Variants in HCLS1 observed in about 807,000 individuals in gnomAD.
HCLS1 encodes the protein hematopoietic lineage cell-specific protein.
A neutral mutation model predicts 68.6 loss-of-function variants in HCLS1; 44 were observed. That is an observed-to-expected ratio of 0.64 (90% CI 0.50 to 0.82). The LOEUF (loss-of-function observed/expected upper bound fraction) is 0.82, where lower values mean the gene tolerates loss of function less well. HCLS1 is among the 40% of genes least tolerant of loss of function. The pLI is 0.00. For synonymous variants in HCLS1, 217 were observed against 225.8 expected (o/e 0.96, Z 0.35); for missense variants, 602 against 612.1 (o/e 0.98, Z 0.17).
rs559028635 is a variant in HCLS1, at chr3:121,631,920, C to G, written c.1387G>C (p.Glu463Gln). ...DVITDIEMVD[E>Q]GWWRGRCHGH... is the part of the protein sequence containing the mutation. ...TGGCAACGTCCCCGCCACCAGCCCT[C>G]GTCCACCATCTCAATGTCAGTGATT... Residue 463 changes from glutamate (E) to glutamine (Q), a missense_variant, in exon 14 of 14, where the codon GAG (glutamate) becomes CAG (glutamine). Transcript: ENST00000314583. The G allele has an allele frequency of 9.3e-6, 15 of 1,614,174 alleles. No individual in the cohort carries two copies. In the African/African-American group the frequency reaches 1.6e-4, roughly 17 times the overall value.
intron 4 of HCLS1, among the ~76,000 whole-genome samples, chr3:121,646,552 ATATT>A (rs1280730185): frequency 1.8e-5 from 2 of 109,634 alleles, no homozygotes; most frequent in East Asian, 2.5e-4. Flanking sequence ...TATATTATAT[ATATT>A]AATATATATT....
At chr3:121,639,530 T>TTGTTGTTG (rs1560139253) in intron 6 of HCLS1, among the ~76,000 whole-genome samples, 4 of 151,112 alleles carry the variant, frequency 2.6e-5, no homozygotes, top group African/African-American at 9.8e-5. Context: ...GATTTTATTT[T>TTGTTGTTG]TTGTTGTTGT....
In HCLS1 at chr3:121,644,600, TCTC is replaced by T. The variant is rs1171724808; in HGVS notation, c.399+215_399+217del. 87 of 669,714 alleles carry T rather than the reference TCTC, an allele frequency of 1.3e-4. 1 individual carries two copies. The highest frequency in any genetic ancestry group is 1.2e-3 in the South Asian group (80 of 66,556). 41.5% of individuals were successfully genotyped at this position (669,714 alleles called of 1,614,324 possible). A position where few individuals can be genotyped will look rare whatever the true frequency, so the allele number is the denominator to read the frequency against. On this transcript the variant is annotated intron_variant, in intron 5 of 13. Transcript: ENST00000314583. ...ATTCAAACACACAGTTTGAGAGTCTTCTCCTATTTGAATCACTGTCTTTCAGCT... is the reference window on the plus strand; with the variant it reads ...ATTCAAACACACAGTTTGAGAGTCTTCTATTTGAATCACTGTCTTTCAGCT...
chr3:121,649,815 C>T (rs528174645), intron 3 of HCLS1, among the ~76,000 whole-genome samples: 212 of 152,278 alleles, frequency 1.4e-3, no homozygotes, highest in Middle Eastern at 3.4e-3. Context: ...CAAAATGTAG[C>T]ACCTCAAAGA....
intron 3 of HCLS1, chr3:121,655,680 G>GTTTTTTTTTTT (rs4048704): frequency 3.4e-5 from 4 of 118,280 alleles, no homozygotes; most frequent in Non-Finnish European, 5.2e-5. Context: ...GGGTCTTGTG[G>GTTTTTTTTTTT]TTTTTTTTTT....
At chr3:121,648,298 C>T (rs1219148296) in intron 3 of HCLS1, among the ~76,000 whole-genome samples, 1 of 151,822 alleles carries the variant, frequency 6.6e-6, no homozygotes, top group African/African-American at 2.4e-5. Context: ...GAAAGTACCA[C>T]CAAAAAAGGC....
At chr3:121,638,978 C>G (rs1402785485) in intron 6 of HCLS1, among the ~76,000 whole-genome samples, 2 of 150,346 alleles carry the variant, frequency 1.3e-5, no homozygotes, top group Non-Finnish European at 3.0e-5. Context: ...CCCGGGAGTT[C>G]GAGACCAGCC....
At chr3:121,654,425 C>T (rs947996513) in intron 3 of HCLS1, 1 of 152,074 alleles carries the variant, frequency 6.6e-6, no homozygotes, top group African/African-American at 2.4e-5. Flanking sequence ...CAGTCTGTGA[C>T]AGATTTGAAA....
At chr3:121,648,113 T>C (rs1219198089) in intron 3 of HCLS1, among the ~76,000 whole-genome samples, 1 of 152,152 alleles carries the variant, frequency 6.6e-6, no homozygotes, top group Non-Finnish European at 1.5e-5. Flanking sequence ...TTAGTGGTAT[T>C]TTTTATGCTT....
At position 121,657,263 on chromosome 3, in the gene HCLS1, T is replaced by C. The variant is rs1256925275; in HGVS notation, c.158+16A>G. On this transcript the variant is annotated intron_variant, in intron 3 of 13. Transcript: ENST00000314583. Reference sequence around the variant, plus strand: ...CCATAACCCCCTTCCTTTTCTCCAGTCCTTTCGGCACCTACTTGATGTGTT... The same window carrying C: ...CCATAACCCCCTTCCTTTTCTCCAGCCCTTTCGGCACCTACTTGATGTGTT... 6.2e-7 allele frequency: 1 copy of C among 1,610,004 alleles called. No individual in the cohort carries two copies. The highest frequency in any genetic ancestry group is 1.7e-5 in the Admixed American group (1 of 59,674).
At chr3:121,655,808 C>G (rs1937853019) in intron 3 of HCLS1, among the ~76,000 whole-genome samples, 1 of 147,152 alleles carries the variant, frequency 6.8e-6, no homozygotes, top group Non-Finnish European at 1.5e-5. Context: ...TTCATTATAG[C>G]TACTTAATTG....
intron 6 of HCLS1, 71 bp from the exon 7 acceptor site, chr3:121,637,327 A>G: frequency 6.0e-6 from 6 of 991,890 alleles, no homozygotes; most frequent in African/African-American, 3.2e-5. Flanking sequence ...TGGAGAAGAG[A>G]GGTCAGCAGG....
chr3:121,637,665 G>A (rs2049162677), intron 6 of HCLS1, among the ~76,000 whole-genome samples: 1 of 152,148 alleles, frequency 6.6e-6, no homozygotes, highest in East Asian at 1.9e-4. Flanking sequence ...GGCCGAGCAC[G>A]GTGCTCATGC....
Position 121,631,748 on chromosome 3 carries a change from T to A in HCLS1, c.*98A>T. On this transcript the variant is annotated 3_prime_UTR_variant, in exon 14 of 14. Coordinates refer to ENST00000314583, the MANE Select transcript of HCLS1 (RefSeq NM_005335.6). ...AGGAGAGGGAAGTCTGTCCAGAACC[T>A]CATCTGGTTAGACATTTGCAGCAGG... 7.4e-7 allele frequency: 1 copy of A among 1,354,628 alleles called. No homozygotes were observed. Among genetic ancestry groups the A allele is most frequent in the Admixed American group, 1.9e-5 (1 of 52,894 alleles). The allele number at this position is 1,354,628 out of a possible 1,614,324, so 83.9% of individuals were successfully genotyped here.
chr3:121,639,274 A>G (rs1425548165), intron 6 of HCLS1, among the ~76,000 whole-genome samples: 1 of 152,156 alleles, frequency 6.6e-6, no homozygotes, highest in Non-Finnish European at 1.5e-5. Flanking sequence ...TCATGCATAT[A>G]GAACATTGAC....
At chr3:121,636,401 T>A in intron 8 of HCLS1, 33 bp downstream of exon 8, 1 of 1,564,976 alleles carries the variant, frequency 6.4e-7, no homozygotes. Context: ...CTTAGGGAAC[T>A]CTTCTTAAGA....
intron 4 of HCLS1, among the ~76,000 whole-genome samples, chr3:121,645,322 C>T (rs558532035): frequency 1.3e-4 from 20 of 152,060 alleles, no homozygotes; most frequent in South Asian, 1.2e-3. Flanking sequence ...ACGCCATAGC[C>T]GGGATGGAAT....
Position 121,634,191 on chromosome 3 carries a change from A to C in HCLS1, c.903+16T>G. 1 of 1,613,788 alleles carries C rather than the reference A, an allele frequency of 6.2e-7. No individual in the cohort carries two copies. Among genetic ancestry groups the C allele is most frequent in the Non-Finnish European group, 8.5e-7 (1 of 1,179,942 alleles). On this transcript the variant is annotated intron_variant, in intron 10 of 13. Coordinates refer to ENST00000314583, the MANE Select transcript of HCLS1 (RefSeq NM_005335.6). ...AAGAGATCCTGGATGTGGATCCCAGAGGGCCAGGCGCTCACCTCTGAGGAG... is the reference window on the plus strand; with the variant it reads ...AAGAGATCCTGGATGTGGATCCCAGCGGGCCAGGCGCTCACCTCTGAGGAG...
chr3:121,635,886 G>A, intron 8 of HCLS1, 82 bp from the exon 9 acceptor site: 1 of 1,040,322 alleles, frequency 9.6e-7, no homozygotes, highest in East Asian at 2.4e-5. Flanking sequence ...GGGGTTGGGG[G>A]CCACTATAAG....
Sources: allele counts gnomAD v4.1 joint callset (sites outside exome capture counted in the v4.1 genomes callset), GRCh38; gene constraint gnomAD v4.1.1; transcripts MANE v1.5; gene names NCBI Gene and HGNC (gene_info 2026-07-23, HGNC 2026-07-21).